Variants in DHX9 observed in about 807,000 individuals in gnomAD.
The protein encoded by DHX9 is ATP-dependent RNA helicase A.
DHX9 carries 27 observed loss-of-function variants against 148.7 expected under a neutral mutation model. The observed-to-expected ratio is 0.18, with a 90% CI of 0.13 to 0.25. The LOEUF (loss-of-function observed/expected upper bound fraction) is 0.25. Among genes scored for constraint, DHX9 ranks in the 10% least tolerant of loss-of-function variants. The pLI is 1.00. For missense variants in DHX9, 796 were observed against 1,559.6 expected (o/e 0.51, Z 8.25); for synonymous variants, 529 against 516.6 (o/e 1.02, Z -0.33).
Position 182,887,501 on chromosome 1 carries a change from T to G in DHX9, c.*67T>G. 7.2e-7 allele frequency: 1 copy of G among 1,394,250 alleles called. No individual in the cohort carries two copies. Among genetic ancestry groups the G allele is most frequent in the Admixed American group, 2.4e-5 (1 of 40,876 alleles). The allele number at this position is 1,394,250 out of a possible 1,614,324, so 86.4% of individuals were successfully genotyped here. ...AAAAGGCATGCTATGTGTTACGTGT[T>G]TTTTCCAGTATGTTTATTTGCCACC... On this transcript the variant is annotated 3_prime_UTR_variant, in exon 28 of 28. Transcript: ENST00000367549.
chr1:182,883,673 T>C (rs370018706), intron 26 of DHX9, 38 bp downstream of exon 26: 174 of 1,436,734 alleles, frequency 1.2e-4, no homozygotes, highest in Admixed American at 1.7e-4. Context: ...ACTGAATTCT[T>C]AGAATTACAA....
Position 182,858,180 on chromosome 1 carries a change from G to A in DHX9, c.750G>A (p.Leu250=). The change falls in exon 8 of 28, where the codon CTG becomes CTA. Residue 250 remains leucine (L), a synonymous_variant. Transcript: ENST00000367549. ...GTGCCCTGTCACTTGTCAGACAACT[G>A]TACCATCTTGGAGTGGTTGAAGCTT... ...QSCALSLVRQ[L]YHLGVVEAYS... is the part of the protein sequence containing the mutation. 2 of 1,614,140 alleles carry A rather than the reference G, an allele frequency of 1.2e-6. No homozygotes were observed. The highest frequency in any genetic ancestry group is 1.3e-5 in the African/African-American group (1 of 75,058).
chr1:182,867,880 A>G (rs531686759), intron 14 of DHX9, among the ~76,000 whole-genome samples: 56 of 152,366 alleles, frequency 3.7e-4, no homozygotes, highest in Middle Eastern at 6.8e-3. Context: ...AAATGATATG[A>G]AATGATATCC....
Position 182,852,383 on chromosome 1 carries a change from A to G in DHX9, c.364+39A>G, listed in dbSNP as rs970874435. On this transcript the variant is annotated intron_variant, in intron 4 of 27. Coordinates refer to ENST00000367549, the MANE Select transcript of DHX9 (RefSeq NM_001357.5). ...ATCCATGCACGTGGTGGAGAATAAG[A>G]TATACACAATCTTGATCACCATCTC... is the stretch of plus-strand genomic sequence containing the variant. The G allele has an allele frequency of 2.9e-6, 4 of 1,385,862 alleles. No homozygotes were observed. In the Admixed American group the frequency reaches 8.0e-5, roughly 28 times the overall value. The allele number at this position is 1,385,862 out of a possible 1,614,324, so 85.8% of individuals were successfully genotyped here.
chr1:182,853,589 C>G (rs1668198794), intron 5 of DHX9, among the ~76,000 whole-genome samples, 171 bp downstream of exon 5: 1 of 152,112 alleles, frequency 6.6e-6, no homozygotes, highest in Admixed American at 6.5e-5. Context: ...CCCATTTACT[C>G]TTGTTATTCA....
At chr1:182,884,109 G>A (rs1391197407) in intron 26 of DHX9, among the ~76,000 whole-genome samples, 3 of 151,938 alleles carry the variant, frequency 2.0e-5, no homozygotes, top group African/African-American at 4.8e-5. Flanking sequence ...CTGTCTCTAC[G>A]AAAAATCCAA....
intron 3 of DHX9, among the ~76,000 whole-genome samples, chr1:182,844,742 C>T (rs774626829): frequency 6.6e-6 from 1 of 152,128 alleles, no homozygotes; most frequent in Non-Finnish European, 1.5e-5. Context: ...CCATTTTTTG[C>T]CAGGCTGGTC....
intron 3 of DHX9, among the ~76,000 whole-genome samples, chr1:182,851,362 A>G (rs1219283572): frequency 6.6e-6 from 1 of 152,204 alleles, no homozygotes; most frequent in Admixed American, 6.5e-5. Context: ...ATCATAGACT[A>G]TTTAGATAAG....
Position 182,887,954 on chromosome 1 carries a change from C to G in DHX9, c.*520C>G, listed in dbSNP as rs1283855379. 6.6e-6 allele frequency among the ~76,000 whole-genome samples: 1 copy of G among 152,172 alleles called. No homozygotes were observed. Among genetic ancestry groups the G allele is most frequent in the African/African-American group, 2.4e-5 (1 of 41,446 alleles). On this transcript the variant is annotated 3_prime_UTR_variant, in exon 28 of 28. Coordinates refer to ENST00000367549, the MANE Select transcript of DHX9 (RefSeq NM_001357.5). The stretch of plus-strand genomic sequence containing the variant: ...TGGCAAGTGCACAAGCCACATAAAC[C>G]TGAATAAAACTTTTGACCTAGGGTT...
chr1:182,853,893 T>G (rs1668207307), intron 5 of DHX9, 137 bp from the exon 6 acceptor site: 8 of 748,488 alleles, frequency 1.1e-5, no homozygotes, highest in South Asian at 2.7e-5. Flanking sequence ...TGGTTCAGTT[T>G]TTGACTAGGA....
Position 182,854,152 on chromosome 1 carries a change from C to T in DHX9, c.600C>T (p.Tyr200=). ...QKEKIQGEYK[Y]TQVGPDHNRS... is the part of the protein sequence containing the mutation. ...AAAAGATCCAAGGAGAATATAAGTA[C>T]ACCCAAGTGGGTCCTGATCACAACA... The change falls in exon 6 of 28, where the codon TAC becomes TAT. Residue 200 remains tyrosine, a synonymous_variant. Coordinates refer to ENST00000367549, the MANE Select transcript of DHX9 (RefSeq NM_001357.5). The T allele has an allele frequency of 6.2e-7, 1 of 1,613,142 alleles. No individual in the cohort carries two copies. The highest frequency in any genetic ancestry group is 8.5e-7 in the Non-Finnish European group (1 of 1,179,526).
At chr1:182,840,335 C>T (rs948847384) in intron 1 of DHX9, among the ~76,000 whole-genome samples, 5 of 135,366 alleles carry the variant, frequency 3.7e-5, no homozygotes, top group African/African-American at 8.6e-5. Flanking sequence ...GAGTCTCGCT[C>T]TGTCGCCAGA....
intron 3 of DHX9, among the ~76,000 whole-genome samples, chr1:182,843,944 A>G (rs903924072): frequency 2.0e-5 from 3 of 152,054 alleles, no homozygotes; most frequent in African/African-American, 4.8e-5. Context: ...CTACAGGTGC[A>G]TGCCACCACT....
chr1:182,850,700 T>A (rs773531019), intron 3 of DHX9, among the ~76,000 whole-genome samples: 33 of 152,042 alleles, frequency 2.2e-4, no homozygotes, highest in Admixed American at 3.3e-4. Flanking sequence ...TATTTTTGTT[T>A]AGATAGTTAC....
intron 1 of DHX9, among the ~76,000 whole-genome samples, chr1:182,841,433 C>T (rs1180142152): frequency 2.0e-5 from 3 of 152,184 alleles, no homozygotes; most frequent in Admixed American, 6.5e-5. Flanking sequence ...TTTCATATTA[C>T]TCATTCACCA....
At chr1:182,861,630 T>C (rs1668365592) in intron 12 of DHX9, among the ~76,000 whole-genome samples, 1 of 152,224 alleles carries the variant, frequency 6.6e-6, no homozygotes, top group Admixed American at 6.5e-5. Context: ...TCTCAAGTTG[T>C]CTGCATGTCA....
rs1466131207 is a variant in DHX9, at chr1:182,842,609, A to G, written c.43A>G (p.Arg15Gly). 6.2e-7 allele frequency: 1 copy of G among 1,613,338 alleles called. No individual in the cohort carries two copies. Among genetic ancestry groups the G allele is most frequent in the Non-Finnish European group, 8.5e-7 (1 of 1,179,644 alleles). ...TTTTCTGTATGCCTGGTGTGGCAAA[A>G]GGAAGATGACCCCATCCTATGAAAT... ...KNFLYAWCGK[R>G]KMTPSYEIRA... Residue 15 changes from arginine to glycine, a missense_variant, in exon 2 of 28, where the codon AGG becomes GGG. This residue lies in a region of DHX9 where 23 missense variants were observed against 89.5 expected (regional missense o/e 0.26). Transcript: ENST00000367549.
At chr1:182,847,585 A>G (rs894218225) in intron 3 of DHX9, among the ~76,000 whole-genome samples, 1 of 152,074 alleles carries the variant, frequency 6.6e-6, no homozygotes, top group African/African-American at 2.4e-5. Flanking sequence ...CAATATACAG[A>G]ATTCGGGGCT....
intron 3 of DHX9, among the ~76,000 whole-genome samples, chr1:182,843,857 A>G (rs1244548762): frequency 6.6e-6 from 1 of 152,204 alleles, no homozygotes; most frequent in Non-Finnish European, 1.5e-5. Flanking sequence ...GAATGCAGTG[A>G]CACAACCATA....
Sources: gnomAD v4.1 joint callset for allele counts (sites outside exome capture counted in the v4.1 genomes callset) on GRCh38, gnomAD v4.1.1 for gene constraint, gnomAD v4.1.1 regional missense constraint, MANE v1.5 for transcripts, NCBI Gene and HGNC (gene_info 2026-07-23, HGNC 2026-07-21) for gene names.